The following LAMA5 variants were observed in gnomAD, a reference collection of about 807,000 sequenced individuals.
LAMA5 encodes the protein laminin subunit alpha 5, also known as laminin subunit alpha-5.
A neutral mutation model predicts 433.4 loss-of-function variants in LAMA5; 260 were observed. The ratio of observed to expected loss-of-function variants is 0.60; its 90% CI spans 0.54 to 0.66. The LOEUF (loss-of-function observed/expected upper bound fraction) is 0.66. Ranked by LOEUF, LAMA5 falls within the 30% of genes least tolerant of loss-of-function variation. The probability of loss-of-function intolerance (pLI) is 0.00; values close to 1 mark genes in which losing one functional copy is unlikely to be tolerated. For missense variants in LAMA5, 5,378 were observed against 5,258.5 expected, an observed-to-expected ratio of 1.02 and a Z score of -0.70; for synonymous variants, 2,620 against 2,226.6, an observed-to-expected ratio of 1.18 and a Z score of -4.97.
rs767708855 is a variant in LAMA5 at position 62,321,992 on chromosome 20, TG to T, written c.6496+26del. The T allele has an allele frequency of 2.9e-4, 459 of 1,590,920 alleles. 3 individuals are homozygous for T. The highest frequency in any genetic ancestry group is 4.8e-4 in the Admixed American group (29 of 59,874). On this transcript the variant is annotated intron_variant, in intron 48 of 79. Coordinates refer to ENST00000252999, the MANE Select transcript of LAMA5 (RefSeq NM_005560.6). Reference sequence around the variant, plus strand: ...ACTTGGATTCCTACTCCATCAGGTGTGGGGAAGTGGGGTGTTGAGGACACAC... The same window carrying T: ...ACTTGGATTCCTACTCCATCAGGTGTGGGAAGTGGGGTGTTGAGGACACAC...
Position 62,319,750 on chromosome 20 carries a change from C to A in LAMA5, c.6805G>T (p.Glu2269Ter). 6.5e-7 allele frequency: 1 copy of A among 1,548,998 alleles called. No homozygotes were observed. ...GTCTTCGCATGGCCCAGTGTGGCCT[C>A]GGTGCCGGCCAGCAATTGGCTCGCC... ...DQASQLLAGT[E>*]ATLGHAKTLL... The change falls in exon 51 of 80, where the codon GAG becomes TAG. Residue 2269 changes from glutamate (E) to a stop codon, truncating the protein, a stop_gained. Transcript: ENST00000252999. LOFTEE classifies it high-confidence loss of function.
intron 11 of LAMA5, among the ~76,000 whole-genome samples, chr20:62,341,206 C>T (rs1982543854): frequency 6.6e-6 from 1 of 152,064 alleles, no homozygotes; most frequent in Non-Finnish European, 1.5e-5. Context: ...CAGAACTGCA[C>T]ACCACGAAAA....
chr20:62,345,309 CTTT>C lies in LAMA5; in HGVS notation c.1477+506_1477+508del, dbSNP rs56342658. 841 of 138,958 alleles carry C rather than the reference CTTT, an allele frequency of 6.1e-3. 4 individuals carry two copies. The highest frequency in any genetic ancestry group is 0.034 in the South Asian group (150 of 4,460). 8.6% of individuals were successfully genotyped at this position (138,958 alleles called of 1,614,324 possible). On this transcript the variant is annotated intron_variant, in intron 11 of 79. Coordinates refer to ENST00000252999, the MANE Select transcript of LAMA5 (RefSeq NM_005560.6). ...TGAGCCACTGTGCCCAACCAATTTT[CTTT>C]TTTTTTTTTTTTTCTATTTTTTTTT...
chr20:62,323,349 G>A (rs1443156862), intron 45 of LAMA5, 107 bp downstream of exon 45: 118 of 933,394 alleles, frequency 1.3e-4, no homozygotes, highest in Admixed American at 5.7e-5. Context: ...TGTCCTGGCT[G>A]GGCCCCAGCA....
Position 62,310,805 on chromosome 20 carries a change from G to T in LAMA5, c.10306C>A (p.Arg3436=). 6.4e-7 allele frequency: 1 copy of T among 1,554,544 alleles called. No homozygotes were observed. Among genetic ancestry groups the T allele is most frequent in the East Asian group, 2.3e-5 (1 of 43,512 alleles). ...HKVSVRWEKN[R]ILLVTDGARA... ...GCCCCGTCCGTCACCAGCAGGATCC[G>T]GTTCTTCTCCCAGCGCACGGAGACC... Residue 3436 remains arginine (R), a synonymous_variant, in exon 75 of 80, where the codon CGG becomes AGG. Coordinates refer to ENST00000252999, the MANE Select transcript of LAMA5 (RefSeq NM_005560.6).
intron 31 of LAMA5, 136 bp from the exon 32 acceptor site, chr20:62,330,052 G>A (rs1487392690): frequency 1.8e-5 from 23 of 1,299,516 alleles, no homozygotes; most frequent in Non-Finnish European, 2.4e-5. Context: ...ACGTGCCCAA[G>A]AGGTCTGCAA....
chr20:62,320,992 G>A, intron 48 of LAMA5, 102 bp from the exon 49 acceptor site: 1 of 1,250,862 alleles, frequency 8.0e-7, no homozygotes, highest in South Asian at 1.4e-5. Context: ...GGCTCAGCCA[G>A]AGGTCATGAG....
chr20:62,330,766 G>A lies in LAMA5; in HGVS notation c.3829C>T (p.Pro1277Ser), dbSNP rs1747727163. The A allele has an allele frequency of 6.4e-7, 1 of 1,562,788 alleles. No homozygotes were observed. The highest frequency in any genetic ancestry group is 1.4e-5 in the African/African-American group (1 of 73,796). Residue 1277 changes from proline to serine, a missense_variant, in exon 30 of 80, where the codon CCC becomes TCC. Pro to Ser is a moderately conservative substitution (Grantham distance 74, BLOSUM62 -1). Coordinates refer to ENST00000252999, the MANE Select transcript of LAMA5 (RefSeq NM_005560.6). ...PPTAVDPDAE[P>S]TLLREPQATV... ...ACCTGGGGCTCACGCAGCAGGGTGG[G>A]CTCTGCATCAGGGTCCACAGCGGTG...
intron 50 of LAMA5, 74 bp from the exon 51 acceptor site, chr20:62,319,869 T>A: frequency 8.4e-7 from 1 of 1,196,678 alleles, no homozygotes; most frequent in Non-Finnish European, 1.2e-6. Flanking sequence ...GCCTGGGGTC[T>A]GGGGGAGCGC....
At position 62,341,038 on chromosome 20, in the gene LAMA5, CAAAA is replaced by C. The variant is rs1366665409; in HGVS notation, c.1478-2434_1478-2431del. Among the ~76,000 whole-genome samples, 17 of 134,802 alleles carry C rather than the reference CAAAA, an allele frequency of 1.3e-4. No individual in the cohort carries two copies. In the South Asian group the frequency reaches 4.2e-3, roughly 33 times the overall value. 88.4% of individuals were successfully genotyped at this position (134,802 alleles called of 152,430 possible). A position where few individuals can be genotyped will look rare whatever the true frequency, so the allele number is the denominator to read the frequency against. ...TGGGTGACAGAGTGAGACTCTGTGTCAAAATAAATAAATAAATAAATAAATAAAT... is the reference window on the plus strand; with the variant it reads ...TGGGTGACAGAGTGAGACTCTGTGTCTAAATAAATAAATAAATAAATAAAT... On this transcript the variant is annotated intron_variant, in intron 11 of 79. Transcript: ENST00000252999.
intron 18 of LAMA5, 134 bp from the exon 19 acceptor site, chr20:62,335,403 C>A: frequency 1.3e-6 from 1 of 758,574 alleles, no homozygotes; most frequent in Non-Finnish European, 2.1e-6. Context: ...GGAGCCCCTG[C>A]ACCCTGACAC....
intron 11 of LAMA5, among the ~76,000 whole-genome samples, chr20:62,344,606 G>A (rs1983076293): frequency 6.6e-6 from 1 of 151,944 alleles, no homozygotes; most frequent in Non-Finnish European, 1.5e-5. Context: ...GCACCACCAC[G>A]CCTGGCTAAT....
At position 62,312,830 on chromosome 20, in the gene LAMA5, C is replaced by A. The variant is rs745795498; in HGVS notation, c.9079-50G>T. On this transcript the variant is annotated intron_variant, in intron 66 of 79. Transcript: ENST00000252999. The stretch of plus-strand genomic sequence containing the variant: ...GGCCAGCTGTGTCCCTGCGGCCTGC[C>A]CCGCCCCCATCGTTCCATCTCCTCT... 9 of 1,601,700 alleles carry A rather than the reference C, an allele frequency of 5.6e-6. No individual in the cohort carries two copies. In the East Asian group the frequency reaches 2.0e-4, roughly 36 times the overall value.
Position 62,327,553 on chromosome 20 carries a change from C to A in LAMA5, c.4914G>T (p.Arg1638=). 1 of 1,612,840 alleles carries A rather than the reference C, an allele frequency of 6.2e-7. No homozygotes were observed. The highest frequency in any genetic ancestry group is 8.5e-7 in the Non-Finnish European group (1 of 1,180,000). Residue 1638 remains arginine, a synonymous_variant, in exon 37 of 80, where the codon CGG becomes CGT. Transcript: ENST00000252999. ...CCTCCTGGCGGGTGTAGGACGAGCT[C>A]CGGCAGCGCTCCGTGGCCCCAAAGC... ...CFCFGATERC[R]SSSYTRQEFV...
At position 62,325,403 on chromosome 20, in the gene LAMA5, C is replaced by G. The variant is rs1979109357; in HGVS notation, c.5442G>C (p.Glu1814Asp). Residue 1814 changes from glutamate to aspartate, a missense_variant, in exon 41 of 80, where the codon GAG becomes GAC. Coordinates refer to ENST00000252999, the MANE Select transcript of LAMA5 (RefSeq NM_005560.6). The stretch of plus-strand genomic sequence containing the variant: ...CCCCCTGGCCTGCTGGGCTGGCCAC[C>G]TCCAGTGCCACCCTGCGCAGGAAGA... Reference protein sequence around the residue: ...SAVFLRRVALEVASPAGQGAL... With the variant: ...SAVFLRRVALDVASPAGQGAL... 7 of 1,611,944 alleles carry G rather than the reference C, an allele frequency of 4.3e-6. No homozygotes were observed.
Position 62,352,086 on chromosome 20 carries a change from G to A in LAMA5, c.688-7C>T, listed in dbSNP as rs751667954. The A allele has an allele frequency of 2.5e-6, 4 of 1,610,792 alleles. No individual in the cohort carries two copies. The highest frequency in any genetic ancestry group is 2.2e-5 in the South Asian group (2 of 90,952). The stretch of plus-strand genomic sequence containing the variant: ...TCACCAGGGACACCACGATCTGTGG[G>A]CAGTATGCGGTGACGCCAGTGTGGC... On this transcript the variant is annotated splice_region_variant and splice_polypyrimidine_tract_variant and intron_variant, in intron 4 of 79. Coordinates refer to ENST00000252999, the MANE Select transcript of LAMA5 (RefSeq NM_005560.6).
rs1048032598 is a variant in LAMA5, at chr20:62,345,801, G to T, written c.1477+17C>A. ...TCCAGGGCAGGCCGGGGACCTGGGG[G>T]CCTCAAGGACACTTACTCACAATCT... On this transcript the variant is annotated intron_variant, in intron 11 of 79. Transcript: ENST00000252999. The T allele has an allele frequency of 1.3e-6, 2 of 1,543,962 alleles. No homozygotes were observed. Among genetic ancestry groups the T allele is most frequent in the African/African-American group, 1.4e-5 (1 of 72,978 alleles).
intron 6 of LAMA5, among the ~76,000 whole-genome samples, chr20:62,350,498 T>G (rs572531964): frequency 8.5e-5 from 13 of 152,156 alleles, no homozygotes; most frequent in Non-Finnish European, 1.8e-4. Flanking sequence ...ACCTTTGTCC[T>G]GTCTGAGCTC....
At chr20:62,316,208 TGG>T (rs1379987051) in intron 57 of LAMA5, 150 bp from the exon 58 acceptor site, 1 of 628,742 alleles carries the variant, frequency 1.6e-6, no homozygotes, top group Non-Finnish European at 2.8e-6. Context: ...CCTTAGCCTG[TGG>T]GGAGGTGTTG....
Sources: gnomAD v4.1 joint callset for allele counts (sites outside exome capture counted in the v4.1 genomes callset) on GRCh38, gnomAD v4.1.1 for gene constraint, MANE v1.5 for transcripts, NCBI Gene and HGNC (gene_info 2026-07-23, HGNC 2026-07-21) for gene names.